The following CRHR2 variants were observed in gnomAD, a reference collection of about 807,000 sequenced individuals.
CRHR2 encodes the protein corticotropin-releasing hormone receptor 2.
Under a neutral mutation model 57.9 loss-of-function variants are expected in CRHR2, and 53 were observed. That is an observed-to-expected ratio of 0.92 (90% CI 0.73 to 1.15). The LOEUF (loss-of-function observed/expected upper bound fraction) is 1.15. Among genes scored for constraint, CRHR2 ranks in the 50% most tolerant of loss-of-function variants. The pLI, the probability that CRHR2 is intolerant of heterozygous loss-of-function variation, is 0.00. For synonymous variants in CRHR2, 213 were observed against 220.9 expected, an observed-to-expected ratio of 0.96 and a Z score of 0.32; for missense variants, 532 against 542.6, an observed-to-expected ratio of 0.98 and a Z score of 0.19.
chr7:30,688,958 TGGG>T, intron 2 of CRHR2: 5 of 628,366 alleles, frequency 8.0e-6, no homozygotes, highest in Non-Finnish European at 1.2e-5. Flanking sequence ...GAGCTGGGAA[TGGG>T]GAGTGGCCTC....
intron 7 of CRHR2, 113 bp from the exon 8 acceptor site, chr7:30,660,758 C>A (rs886359676): frequency 2.1e-6 from 2 of 970,956 alleles, no homozygotes; most frequent in Admixed American, 2.2e-5. Context: ...ATCTCCAGGA[C>A]TGCCCCTTCC....
At chr7:30,666,930 C>T in intron 3 of CRHR2, among the ~76,000 whole-genome samples, 1 of 152,192 alleles carries the variant, frequency 6.6e-6, no homozygotes. Context: ...GTCACACAAC[C>T]CCTAAGATGT....
chr7:30,680,428 G>T (rs968003362), intron 2 of CRHR2, among the ~76,000 whole-genome samples: 1 of 152,146 alleles, frequency 6.6e-6, no homozygotes, highest in Non-Finnish European at 1.5e-5. Flanking sequence ...GCTCCCTGAG[G>T]TTCACAGGCT....
chr7:30,662,260 G>C (rs767515718), intron 6 of CRHR2, 44 bp from the exon 7 acceptor site: 2 of 1,605,330 alleles, frequency 1.2e-6, no homozygotes, highest in Non-Finnish European at 1.7e-6. Flanking sequence ...AGATGGACAG[G>C]GACTTTCTTG....
intron 2 of CRHR2, among the ~76,000 whole-genome samples, chr7:30,669,244 A>C (rs974530835): frequency 1.3e-5 from 2 of 151,972 alleles, no homozygotes; most frequent in African/African-American, 2.4e-5. Flanking sequence ...CTTCAGGAAG[A>C]CCTCCTTGAT....
At chr7:30,673,610 G>T (rs867094611) in intron 2 of CRHR2, among the ~76,000 whole-genome samples, 8 of 152,196 alleles carry the variant, frequency 5.3e-5, no homozygotes, top group Non-Finnish European at 1.2e-4. Context: ...TTCATCCCCA[G>T]TTAAGAGACT....
At chr7:30,687,439 A>G (rs1784876996), upstream of CRHR2, among the ~76,000 whole-genome samples, 1 of 150,540 alleles carries the variant, frequency 6.6e-6, no homozygotes, top group African/African-American at 2.4e-5. Context: ...TATCCCATTA[A>G]AAAAAAAAGA....
chr7:30,685,733 C>T (rs1784842842), upstream of CRHR2, among the ~76,000 whole-genome samples: 1 of 152,156 alleles, frequency 6.6e-6, no homozygotes. Context: ...AATAGGATTC[C>T]CAGACAAGCA....
In CRHR2 at chr7:30,656,038, G is replaced by A; in HGVS notation, c.832-26C>T. 6.2e-7 allele frequency: 1 copy of A among 1,603,368 alleles called. No homozygotes were observed. Among genetic ancestry groups the A allele is most frequent in the Non-Finnish European group, 8.5e-7 (1 of 1,170,366 alleles). ...CTGGAGGGAGGGCGGGCATGGGAAAGAGGGAAAAGGAAGGAGCACGTGTTT... is the reference window on the plus strand; with the variant it reads ...CTGGAGGGAGGGCGGGCATGGGAAAAAGGGAAAAGGAAGGAGCACGTGTTT... On this transcript the variant is annotated intron_variant, in intron 8 of 11. Coordinates refer to ENST00000471646, the MANE Select transcript of CRHR2 (RefSeq NM_001883.5). This position sits in a 1 kb window ranked among gnomAD's most constrained non-coding sequence, Gnocchi z 4.4.
In CRHR2 at chr7:30,656,339, C is replaced by A. The variant is rs1783788707; in HGVS notation, c.832-327G>T. Among the ~76,000 whole-genome samples, 2 of 152,168 alleles carry A rather than the reference C, an allele frequency of 1.3e-5. No homozygotes were observed. The highest frequency in any genetic ancestry group is 2.9e-5 in the Non-Finnish European group (2 of 68,020). ...CCCAACCCTCTCCCCAGTATAGGGA[C>A]CCTATGGGAGCCCCCTTCCCCTCAC... On this transcript the variant is annotated intron_variant, in intron 8 of 11. Coordinates refer to ENST00000471646, the MANE Select transcript of CRHR2 (RefSeq NM_001883.5). The surrounding 1 kb of genome is among the most constrained non-coding windows in gnomAD (Gnocchi z 4.4).
chr7:30,692,790 A>T (rs1381878597), intron 1 of CRHR2, among the ~76,000 whole-genome samples: 1 of 152,210 alleles, frequency 6.6e-6, no homozygotes, highest in African/African-American at 2.4e-5. Flanking sequence ...GTAGCTGCAA[A>T]TAACCCCATT....
At chr7:30,672,371 T>C (rs1018926667) in intron 2 of CRHR2, among the ~76,000 whole-genome samples, 1 of 152,244 alleles carries the variant, frequency 6.6e-6, no homozygotes, top group Non-Finnish European at 1.5e-5. Context: ...TGTACAAGGC[T>C]GAGAGCCTCT....
intron 2 of CRHR2, among the ~76,000 whole-genome samples, chr7:30,680,991 C>T (rs1784686531): frequency 6.6e-6 from 1 of 152,012 alleles, no homozygotes; most frequent in African/African-American, 2.4e-5. Context: ...CTGGAGATAT[C>T]AGGGGGGTTC....
upstream of CRHR2, among the ~76,000 whole-genome samples, chr7:30,687,345 T>A (rs1201661183): frequency 1.3e-5 from 2 of 151,736 alleles, no homozygotes; most frequent in African/African-American, 2.4e-5. Context: ...AGCGATGCGG[T>A]GGTTGAATAT....
chr7:30,687,689 C>A (rs921408983), intron 2 of CRHR2, among the ~76,000 whole-genome samples: 12 of 152,156 alleles, frequency 7.9e-5, no homozygotes, highest in African/African-American at 2.2e-4. Flanking sequence ...GAAGCTGGGA[C>A]CCTATCCGCT....
At chr7:30,655,464 G>T in intron 10 of CRHR2, 116 bp downstream of exon 10, 2 of 1,289,286 alleles carry the variant, frequency 1.6e-6, no homozygotes, top group Non-Finnish European at 2.1e-6. Context: ...TAACTCTGTG[G>T]ATGTAACTGA....
intron 1 of CRHR2, among the ~76,000 whole-genome samples, chr7:30,695,407 C>A (rs1178642595): frequency 6.6e-6 from 1 of 152,102 alleles, no homozygotes; most frequent in African/African-American, 2.4e-5. Flanking sequence ...CCCTCCAGCT[C>A]CCCCGGGAGG....
At chr7:30,690,839 C>G (rs1026516091) in intron 1 of CRHR2, among the ~76,000 whole-genome samples, 1 of 152,190 alleles carries the variant, frequency 6.6e-6, no homozygotes, top group East Asian at 1.9e-4. Flanking sequence ...CTGCCAAACT[C>G]CCACCCCACG....
At position 30,665,683 on chromosome 7, in the gene CRHR2, G is replaced by T. The variant is rs749683869; in HGVS notation, c.316-44C>A. The stretch of plus-strand genomic sequence containing the variant: ...GCAGGGCAGATGGAGGCATGGGCAC[G>T]TGGGGGTGGGGCTGGGTATTCCAGC... On this transcript the variant is annotated intron_variant, in intron 3 of 11. Coordinates refer to ENST00000471646, the MANE Select transcript of CRHR2 (RefSeq NM_001883.5). The surrounding 1 kb of genome is among the most constrained non-coding windows in gnomAD (Gnocchi z 4.5). 5.3e-6 allele frequency: 8 copies of T among 1,495,598 alleles called. No homozygotes were observed. Among genetic ancestry groups the T allele is most frequent in the Non-Finnish European group, 7.3e-6 (8 of 1,097,200 alleles). 92.6% of individuals were successfully genotyped at this position (1,495,598 alleles called of 1,614,324 possible). A position where few individuals can be genotyped will look rare whatever the true frequency, so the allele number is the denominator to read the frequency against.
Sources: gnomAD v4.1 joint callset for allele counts (sites outside exome capture counted in the v4.1 genomes callset) on GRCh38, gnomAD v4.1.1 for gene constraint, Gnocchi (gnomAD v3.1) non-coding constraint, MANE v1.5 for transcripts, NCBI Gene and HGNC (gene_info 2026-07-23, HGNC 2026-07-21) for gene names.